Variants in USP6NL observed in about 807,000 individuals in gnomAD.
The protein encoded by USP6NL is USP6 N-terminal-like protein.
In USP6NL, 26 loss-of-function variants were observed where a neutral mutation model predicts 61.9. The ratio of observed to expected loss-of-function variants is 0.42; its 90% CI spans 0.31 to 0.58. The LOEUF (loss-of-function observed/expected upper bound fraction) is 0.58. USP6NL is among the 20% of genes least tolerant of loss of function. The pLI, the probability that USP6NL is intolerant of heterozygous loss-of-function variation, is 0.16. For missense variants in USP6NL, 1,114 were observed against 1,034.3 expected, an observed-to-expected ratio of 1.08 and a Z score of -1.06; for synonymous variants, 432 against 390.1, an observed-to-expected ratio of 1.11 and a Z score of -1.27.
rs978278500 is a variant in USP6NL, at chr10:11,490,769, T to G, written c.543+63A>C. The G allele has an allele frequency of 3.3e-6, 5 of 1,494,626 alleles. No homozygotes were observed. Among genetic ancestry groups the G allele is most frequent in the Non-Finnish European group, 3.6e-6 (4 of 1,107,378 alleles). The allele number at this position is 1,494,626 out of a possible 1,614,324, so 92.6% of individuals were successfully genotyped here. A position where few individuals can be genotyped will look rare whatever the true frequency, so the allele number is the denominator to read the frequency against. On this transcript the variant is annotated intron_variant, in intron 9 of 14. Transcript: ENST00000609104. The surrounding 1 kb of genome is among the most constrained non-coding windows in gnomAD (Gnocchi z 4.5). ...ATGCAGAAATGTGCCCACAGGGCCC[T>G]GCTAAGTAGGGAGTACCTCAGAATA...
chr10:11,578,242 T>G (rs1232312529), intron 2 of USP6NL, among the ~76,000 whole-genome samples: 2 of 152,216 alleles, frequency 1.3e-5, no homozygotes, highest in African/African-American at 4.8e-5. Flanking sequence ...GAGCTGGGAT[T>G]ATAAGCATGA....
At position 11,574,771 on chromosome 10, in the gene USP6NL, G is replaced by C. The variant is rs1837481687; in HGVS notation, c.4+22860C>G. Among the ~76,000 whole-genome samples the C allele has an allele frequency of 6.6e-6, 1 of 152,048 alleles. No individual in the cohort carries two copies. Among genetic ancestry groups the C allele is most frequent in the Non-Finnish European group, 1.5e-5 (1 of 68,026 alleles). On this transcript the variant is annotated intron_variant, in intron 2 of 14. Transcript: ENST00000609104. The surrounding 1 kb of genome is among the most constrained non-coding windows in gnomAD (Gnocchi z 4.3). ...AGAGCAAATCAGAGGCAGTTCCTTT[G>C]CCTTCAGACAGTTAAAGGCTTGTTA... is the stretch of plus-strand genomic sequence containing the variant.
chr10:11,498,168 G>A (rs995536681), intron 7 of USP6NL, among the ~76,000 whole-genome samples: 6 of 142,796 alleles, frequency 4.2e-5, no homozygotes, highest in African/African-American at 1.1e-4. Context: ...CCTAGGAGGT[G>A]GAGGTTGCAG....
At position 11,489,017 on chromosome 10, in the gene USP6NL, T is replaced by C; in HGVS notation, c.664+85A>G. The C allele has an allele frequency of 1.3e-6, 2 of 1,555,384 alleles. No homozygotes were observed. The highest frequency in any genetic ancestry group is 1.7e-6 in the Non-Finnish European group (2 of 1,146,924). The stretch of plus-strand genomic sequence containing the variant: ...CCTGAGACATTAAATTTGCTGTATG[T>C]AACTCTTGCAAGCATCTTTGGTTTT... On this transcript the variant is annotated intron_variant, in intron 10 of 14. Coordinates refer to ENST00000609104, the MANE Select transcript of USP6NL (RefSeq NM_014688.5). This position sits in a 1 kb window ranked among gnomAD's most constrained non-coding sequence, Gnocchi z 5.7.
At chr10:11,530,916 T>C (rs1000441449) in intron 2 of USP6NL, among the ~76,000 whole-genome samples, 2 of 152,214 alleles carry the variant, frequency 1.3e-5, no homozygotes, top group African/African-American at 2.4e-5. Context: ...TGATTACTTA[T>C]TTAGAAATTC....
At position 11,501,364 on chromosome 10, in the gene USP6NL, T is replaced by C. The variant is rs185820348; in HGVS notation, c.277-156A>G. Among the ~76,000 whole-genome samples, 6 of 152,324 alleles carry C rather than the reference T, an allele frequency of 3.9e-5. No individual in the cohort carries two copies. The East Asian group carries it at 9.6e-4, about 24-fold the overall frequency. The stretch of plus-strand genomic sequence containing the variant: ...AACATGGCACATGGAGGTACTGTCA[T>C]CTCTATTTTTAAGATTCTAACAGGG... On this transcript the variant is annotated intron_variant, in intron 6 of 14. Coordinates refer to ENST00000609104, the MANE Select transcript of USP6NL (RefSeq NM_014688.5).
chr10:11,550,750 C>T (rs1836449649), intron 2 of USP6NL, among the ~76,000 whole-genome samples: 1 of 149,222 alleles, frequency 6.7e-6, no homozygotes, highest in Non-Finnish European at 1.5e-5. Context: ...AGTGAGACTC[C>T]GTCTCAAAAA....
chr10:11,522,790 G>C (rs1591883768), intron 4 of USP6NL, among the ~76,000 whole-genome samples: 1 of 152,210 alleles, frequency 6.6e-6, no homozygotes, highest in African/African-American at 2.4e-5. Context: ...TTTCTTTCTA[G>C]GCATTTCAAA....
intron 2 of USP6NL, among the ~76,000 whole-genome samples, chr10:11,572,920 A>G (rs1441092828): frequency 6.6e-6 from 1 of 152,184 alleles, no homozygotes; most frequent in Non-Finnish European, 1.5e-5. Context: ...ATATATAAGT[A>G]TATCTTTAAA....
At chr10:11,565,973 G>T (rs901636211) in intron 2 of USP6NL, among the ~76,000 whole-genome samples, 2 of 152,182 alleles carry the variant, frequency 1.3e-5, no homozygotes, top group Non-Finnish European at 2.9e-5. Context: ...CATATGCACA[G>T]ATAATAGTGC....
At chr10:11,549,909 C>A (rs1566174261) in intron 2 of USP6NL, among the ~76,000 whole-genome samples, 1 of 152,132 alleles carries the variant, frequency 6.6e-6, no homozygotes, top group South Asian at 2.1e-4. Context: ...GATTACAAAA[C>A]GGATTTATTT....
chr10:11,570,245 G>A (rs1837308725), intron 2 of USP6NL, among the ~76,000 whole-genome samples: 1 of 152,176 alleles, frequency 6.6e-6, no homozygotes, highest in Admixed American at 6.5e-5. Context: ...TGTAATCACT[G>A]ACTTTTGTCT....
rs560709828 is a variant in USP6NL, at chr10:11,513,353, C to T, written c.196-3678G>A. 3.9e-4 allele frequency among the ~76,000 whole-genome samples: 60 copies of T among 152,340 alleles called. No individual in the cohort carries two copies. Among genetic ancestry groups the T allele is most frequent in the African/African-American group, 1.4e-3 (59 of 41,578 alleles). On this transcript the variant is annotated intron_variant, in intron 5 of 14. Transcript: ENST00000609104. This position sits in a 1 kb window ranked among gnomAD's most constrained non-coding sequence, Gnocchi z 4.7. Reference sequence around the variant, plus strand: ...AATGGTAGAAATGGAATTATTCCATCATGCGGGTAACACTTTTCAAAGTGT... The same window carrying T: ...AATGGTAGAAATGGAATTATTCCATTATGCGGGTAACACTTTTCAAAGTGT...
intron 6 of USP6NL, 66 bp from the exon 7 acceptor site, chr10:11,501,274 A>T: frequency 1.6e-6 from 2 of 1,227,602 alleles, no homozygotes; most frequent in South Asian, 2.9e-5. Context: ...CTCTACAGTT[A>T]ATCTTGCTAA....
chr10:11,462,666 T>G lies in USP6NL; in HGVS notation c.2262A>C (p.Arg754=), dbSNP rs756205048. ...TTGGTAAATTGCCACGGCTAGCATCTCGGGTCCATGATTGTCCCTGCGTCT... is the reference window on the plus strand; with the variant it reads ...TTGGTAAATTGCCACGGCTAGCATCGCGGGTCCATGATTGTCCCTGCGTCT... ...RPETQGQSWT[R]DASRGNLPKY... is the part of the protein sequence containing the mutation. The change falls in exon 15 of 15, where the codon CGA becomes CGC. Residue 754 remains arginine, a synonymous_variant. Transcript: ENST00000609104. 2 of 1,613,902 alleles carry G rather than the reference T, an allele frequency of 1.2e-6. No homozygotes were observed. The highest frequency in any genetic ancestry group is 1.7e-6 in the Non-Finnish European group (2 of 1,179,900).
chr10:11,570,607 T>G (rs949807136), intron 2 of USP6NL, among the ~76,000 whole-genome samples: 1 of 152,190 alleles, frequency 6.6e-6, no homozygotes, highest in Non-Finnish European at 1.5e-5. Context: ...TTTAACAAGA[T>G]AGAGAAACAT....
chr10:11,538,098 T>C (rs953169797), intron 2 of USP6NL, among the ~76,000 whole-genome samples: 2 of 152,228 alleles, frequency 1.3e-5, no homozygotes, highest in African/African-American at 4.8e-5. Flanking sequence ...ATTATGGTTT[T>C]AATTAAGTTA....
Position 11,462,510 on chromosome 10 carries a change from C to T in USP6NL, c.2418G>A (p.Gly806=), listed in dbSNP as rs369224158. The T allele has an allele frequency of 3.1e-4, 499 of 1,613,830 alleles. No individual in the cohort carries two copies. Among genetic ancestry groups the T allele is most frequent in the Non-Finnish European group, 4.1e-4 (484 of 1,179,896 alleles). ...DASPSGYPYS[G]PPPPAYHYRN... is the part of the protein sequence containing the mutation. ...TGTAGTGGTAGGCTGGAGGCGGGGG[C>T]CCTGAATATGGATATCCAGATGGAC... Residue 806 remains glycine (G), a synonymous_variant, in exon 15 of 15, where the codon GGG becomes GGA. Transcript: ENST00000609104.
chr10:11,575,431 A>G lies in USP6NL; in HGVS notation c.4+22200T>C, dbSNP rs914682074. Among the ~76,000 whole-genome samples the G allele has an allele frequency of 2.0e-5, 3 of 152,204 alleles. No individual in the cohort carries two copies. Among genetic ancestry groups the G allele is most frequent in the African/African-American group, 7.2e-5 (3 of 41,442 alleles). ...TTGGAAGGTACTGTTTTGACAGGTA[A>G]CTTTCCATTAGCTTTCCTCTCTCCC... On this transcript the variant is annotated intron_variant, in intron 2 of 14. Coordinates refer to ENST00000609104, the MANE Select transcript of USP6NL (RefSeq NM_014688.5). The surrounding 1 kb of genome is among the most constrained non-coding windows in gnomAD (Gnocchi z 4.2).
Sources: allele counts gnomAD v4.1 joint callset (sites outside exome capture counted in the v4.1 genomes callset), GRCh38; gene constraint gnomAD v4.1.1; non-coding constraint Gnocchi (gnomAD v3.1); transcripts MANE v1.5; gene names NCBI Gene and HGNC (gene_info 2026-07-23, HGNC 2026-07-21).